Variants in POPDC3 observed in about 807,000 individuals in gnomAD.
POPDC3 encodes the protein popeye domain cAMP effector 3.
In POPDC3, 20 loss-of-function variants were observed where a neutral mutation model predicts 28.2. That is an observed-to-expected ratio of 0.71 (90% CI 0.50 to 1.03). The LOEUF is 1.03. Among genes scored for constraint, POPDC3 ranks in the 50% least tolerant of loss-of-function variants. The pLI is 0.00. For synonymous variants in POPDC3, 118 were observed against 124.1 expected (o/e 0.95, Z 0.33); for missense variants, 316 against 345.9 (o/e 0.91, Z 0.69).
intron 1 of POPDC3, among the ~76,000 whole-genome samples, chr6:105,173,830 T>C (rs1774629500): frequency 7.0e-6 from 1 of 142,778 alleles, no homozygotes; most frequent in African/African-American, 2.6e-5. Flanking sequence ...AATTACAAAA[T>C]TGGAAAGAAA....
Position 105,161,505 on chromosome 6 carries a change from C to T in POPDC3, c.405G>A (p.Val135=). Reference sequence around the variant, plus strand: ...AACAGTGTTCCTTTTCCAAAGTAACCACTTCAGAGCTCAAAGCAATCGTTC... The same window carrying T: ...AACAGTGTTCCTTTTCCAAAGTAACTACTTCAGAGCTCAAAGCAATCGTTC... ...VFRTIALSSE[V]VTLEKEHCYA... is the part of the protein sequence containing the mutation. The change falls in exon 2 of 4, where the codon GTG becomes GTA. Residue 135 remains valine (V), a synonymous_variant. Coordinates refer to ENST00000254765, the MANE Select transcript of POPDC3 (RefSeq NM_022361.5). The T allele has an allele frequency of 6.2e-7, 1 of 1,614,050 alleles. No homozygotes were observed. The highest frequency in any genetic ancestry group is 1.1e-5 in the South Asian group (1 of 91,074).
intron 1 of POPDC3, chr6:105,163,812 C>A (rs1774401778): frequency 6.6e-6 from 1 of 152,060 alleles, no homozygotes; most frequent in Non-Finnish European, 1.5e-5. Context: ...CTTAGACTTA[C>A]AACTTATAGT....
chr6:105,177,380 C>T (rs1386020020), intron 1 of POPDC3, among the ~76,000 whole-genome samples: 4 of 151,784 alleles, frequency 2.6e-5, no homozygotes, highest in African/African-American at 9.7e-5. Flanking sequence ...ATTTTGAACA[C>T]ATACAAAAAT....
At chr6:105,169,236 G>A (rs1429102978) in intron 1 of POPDC3, 1 of 152,148 alleles carries the variant, frequency 6.6e-6, no homozygotes, top group Non-Finnish European at 1.5e-5. Flanking sequence ...TGAAGCTGAA[G>A]ACACTCAATC....
chr6:105,174,144 C>T (rs551416944), intron 1 of POPDC3, among the ~76,000 whole-genome samples: 4 of 152,304 alleles, frequency 2.6e-5, no homozygotes, highest in African/African-American at 4.8e-5. Flanking sequence ...CGGGTTCAAG[C>T]GATTATCCTG....
At chr6:105,167,766 T>G (rs1053762657) in intron 1 of POPDC3, among the ~76,000 whole-genome samples, 2 of 136,952 alleles carry the variant, frequency 1.5e-5, no homozygotes, top group African/African-American at 5.4e-5. Context: ...AAAAAAAAAG[T>G]AAAGAATATG....
intron 1 of POPDC3, among the ~76,000 whole-genome samples, chr6:105,175,097 G>A (rs932065530): frequency 2.6e-5 from 4 of 151,936 alleles, no homozygotes; most frequent in African/African-American, 9.7e-5. Context: ...AACCCGGGAG[G>A]CTGAGGTTGC....
At chr6:105,179,255 G>A in intron 1 of POPDC3, 7 of 985,372 alleles carry the variant, frequency 7.1e-6, no homozygotes, top group Non-Finnish European at 8.4e-6. Flanking sequence ...CGCGACCTTT[G>A]ATGAGGCAGC....
In POPDC3 at chr6:105,161,521, G is replaced by A. The variant is rs758481816; in HGVS notation, c.389C>T (p.Ala130Val). ...GISLPVFRTI[A>V]LSSEVVTLEK... is the part of the protein sequence containing the mutation. Reference sequence around the variant, plus strand: ...CAAAGTAACCACTTCAGAGCTCAAAGCAATCGTTCTGAAGACAGGCAAAGA... The same window carrying A: ...CAAAGTAACCACTTCAGAGCTCAAAACAATCGTTCTGAAGACAGGCAAAGA... Residue 130 changes from alanine to valine, a missense_variant, in exon 2 of 4, where the codon GCT becomes GTT. By Grantham distance (64) the Ala-to-Val change is moderately conservative. Transcript: ENST00000254765. 1.3e-4 allele frequency: 217 copies of A among 1,614,154 alleles called. No individual in the cohort carries two copies. Among genetic ancestry groups the A allele is most frequent in the Middle Eastern group, 3.3e-4 (2 of 6,062 alleles).
chr6:105,161,087 G>A (rs1043161600), intron 2 of POPDC3, among the ~76,000 whole-genome samples: 2 of 152,052 alleles, frequency 1.3e-5, no homozygotes, highest in African/African-American at 4.8e-5. Context: ...TATTTTGCAC[G>A]CCAATATAAG....
At chr6:105,178,268 A>G (rs1774716931) in intron 1 of POPDC3, among the ~76,000 whole-genome samples, 1 of 152,200 alleles carries the variant, frequency 6.6e-6, no homozygotes, top group Non-Finnish European at 1.5e-5. Flanking sequence ...AACATTCTTA[A>G]TTCTTCCTGG....
chr6:105,168,468 C>T (rs555336875), intron 1 of POPDC3, among the ~76,000 whole-genome samples: 42 of 152,286 alleles, frequency 2.8e-4, no homozygotes, highest in Non-Finnish European at 3.7e-4. Context: ...CAGGCTACAC[C>T]GGACTTTTTT....
intron 1 of POPDC3, chr6:105,178,809 C>G: frequency 1.0e-6 from 1 of 984,820 alleles, no homozygotes; most frequent in Non-Finnish European, 1.2e-6. Context: ...TGCAACAGTC[C>G]GTAGAATTAA....
At chr6:105,169,804 T>A (rs1774537978) in intron 1 of POPDC3, 1 of 152,302 alleles carries the variant, frequency 6.6e-6, no homozygotes, top group South Asian at 2.1e-4. Context: ...GAAAGTTAAG[T>A]TGGTTGCCTA....
chr6:105,173,532 A>G (rs1325379042), intron 1 of POPDC3, among the ~76,000 whole-genome samples: 1 of 152,160 alleles, frequency 6.6e-6, no homozygotes, highest in African/African-American at 2.4e-5. Flanking sequence ...ATATTATTTC[A>G]TAGCTCCAAA....
chr6:105,161,339 G>T, intron 2 of POPDC3, 86 bp downstream of exon 2: 2 of 1,477,456 alleles, frequency 1.4e-6, no homozygotes, highest in Non-Finnish European at 1.8e-6. Context: ...CCAGGACTAT[G>T]TGATACTGAG....
intron 3 of POPDC3, 21 bp from the exon 4 acceptor site, chr6:105,158,772 C>G: frequency 6.5e-7 from 1 of 1,549,486 alleles, no homozygotes; most frequent in Non-Finnish European, 8.7e-7. Flanking sequence ...CAAGACCACA[C>G]ATAAACAGAT....
At chr6:105,161,335 C>T in intron 2 of POPDC3, 90 bp downstream of exon 2, 1 of 1,454,716 alleles carries the variant, frequency 6.9e-7, no homozygotes, top group Non-Finnish European at 9.3e-7. Flanking sequence ...CCACCCAGGA[C>T]TATGTGATAC....
At chr6:105,163,303 C>G (rs986532323) in intron 1 of POPDC3, among the ~76,000 whole-genome samples, 2 of 152,070 alleles carry the variant, frequency 1.3e-5, no homozygotes, top group Non-Finnish European at 2.9e-5. Flanking sequence ...CAACTCTGTT[C>G]CTCTGCACAT....
Sources: gnomAD v4.1 joint callset for allele counts (sites outside exome capture counted in the v4.1 genomes callset) on GRCh38, gnomAD v4.1.1 for gene constraint, MANE v1.5 for transcripts, NCBI Gene and HGNC (gene_info 2026-07-23, HGNC 2026-07-21) for gene names.